Variants in DENND1B observed in about 807,000 individuals in gnomAD.
The protein encoded by DENND1B is DENN domain-containing protein 1B.
Under a neutral mutation model 90.1 loss-of-function variants are expected in DENND1B, and 59 were observed. The observed-to-expected ratio is 0.65, with a 90% confidence interval of 0.53 to 0.81. DENND1B has a LOEUF of 0.81. Among genes scored for constraint, DENND1B ranks in the 40% least tolerant of loss-of-function variants. The pLI, the probability that DENND1B is intolerant of heterozygous loss-of-function variation, is 0.00. For missense variants in DENND1B, 862 were observed against 912.6 expected (o/e 0.94, Z 0.71); for synonymous variants, 337 against 324.6 (o/e 1.04, Z -0.41).
At chr1:197,745,651 TA>T (rs1663668285) in intron 2 of DENND1B, among the ~76,000 whole-genome samples, 1 of 147,210 alleles carries the variant, frequency 6.8e-6, no homozygotes, top group South Asian at 2.1e-4. Context: ...ATATATATAA[TA>T]ATAATGAAAA....
intron 15 of DENND1B, among the ~76,000 whole-genome samples, chr1:197,560,447 T>G (rs12125739): frequency 0.15 from 22,483 of 151,830 alleles, 2,060 homozygotes; most frequent in Non-Finnish European, 0.2. Flanking sequence ...TAAGATAGAC[T>G]TCCTAAGGGA....
chr1:197,577,300 A>G (rs1278815171), intron 15 of DENND1B, among the ~76,000 whole-genome samples: 1 of 152,204 alleles, frequency 6.6e-6, no homozygotes, highest in Non-Finnish European at 1.5e-5. Context: ...ACATTGCGGT[A>G]TAGAATATAC....
At position 197,663,815 on chromosome 1, in the gene DENND1B, A is replaced by G. The variant is rs145300196; in HGVS notation, c.297-5446T>C. On this transcript the variant is annotated intron_variant, in intron 5 of 22. Coordinates refer to ENST00000620048, the MANE Select transcript of DENND1B (RefSeq NM_001195215.2). The stretch of plus-strand genomic sequence containing the variant: ...GGTCTACATAGGTAATTGAATTCAC[A>G]ACTCCTGATAAGAAGCAACTGCTCA... 2.0e-4 allele frequency among the ~76,000 whole-genome samples: 30 copies of G among 152,144 alleles called. 1 individual carries two copies. The highest frequency in any genetic ancestry group is 6.0e-4 in the African/African-American group (25 of 41,542).
At chr1:197,754,902 T>C (rs1654081852) in intron 2 of DENND1B, among the ~76,000 whole-genome samples, 1 of 152,178 alleles carries the variant, frequency 6.6e-6, no homozygotes. Flanking sequence ...TCTCTTCATG[T>C]TATTTTCTTC....
intron 3 of DENND1B, 71 bp downstream of exon 3, chr1:197,714,960 A>G: frequency 8.9e-7 from 1 of 1,125,406 alleles, no homozygotes; most frequent in South Asian, 1.3e-5. Flanking sequence ...TACTAGCAAC[A>G]GCAGCAGTAA....
intron 2 of DENND1B, among the ~76,000 whole-genome samples, chr1:197,733,239 A>T (rs1228464695): frequency 6.6e-6 from 1 of 152,186 alleles, no homozygotes; most frequent in Non-Finnish European, 1.5e-5. Flanking sequence ...TCTTCAAATT[A>T]TGAAGTTTAA....
chr1:197,655,395 C>G (rs1237711915), intron 6 of DENND1B, among the ~76,000 whole-genome samples: 2 of 152,160 alleles, frequency 1.3e-5, no homozygotes. Flanking sequence ...GTTGTGTAGA[C>G]ACAGAGTTAC....
chr1:197,701,183 T>C (rs753440927), intron 3 of DENND1B, among the ~76,000 whole-genome samples: 1 of 152,180 alleles, frequency 6.6e-6, no homozygotes, highest in Non-Finnish European at 1.5e-5. Flanking sequence ...CCAACCCAAA[T>C]GCCCATCAAT....
At chr1:197,552,599 G>T in intron 16 of DENND1B, 1 of 989,798 alleles carries the variant, frequency 1.0e-6, no homozygotes, top group Non-Finnish European at 1.2e-6. Flanking sequence ...TATGTATAAA[G>T]AATTTTGGTG....
intron 2 of DENND1B, among the ~76,000 whole-genome samples, chr1:197,767,457 C>T (rs1159821972): frequency 6.6e-6 from 1 of 152,032 alleles, no homozygotes; most frequent in Non-Finnish European, 1.5e-5. Flanking sequence ...AAGTGAAAGG[C>T]AGTTAAACTG....
At chr1:197,774,992 G>GGGGGCCGGACCGC in intron 1 of DENND1B, 147 bp downstream of exon 1, 1 of 397,162 alleles carries the variant, frequency 2.5e-6, no homozygotes, top group Non-Finnish European at 4.0e-6. Flanking sequence ...CCAGAGGCTT[G>GGGGGCCGGACCGC]GGGGCCGGAC....
intron 2 of DENND1B, among the ~76,000 whole-genome samples, chr1:197,762,520 C>T (rs1038149129): frequency 4.9e-4 from 74 of 152,176 alleles, no homozygotes; most frequent in African/African-American, 5.6e-4. Flanking sequence ...AGCCAATTAA[C>T]GCATCTATCA....
chr1:197,636,004 G>A (rs564786057), intron 10 of DENND1B, among the ~76,000 whole-genome samples: 62 of 151,046 alleles, frequency 4.1e-4, no homozygotes, highest in Non-Finnish European at 8.4e-4. Flanking sequence ...AAAAAAACCC[G>A]CCCTGATAAC....
rs1303179211 is a variant in DENND1B, at chr1:197,765,594, T to C, written c.82+7274A>G. The stretch of plus-strand genomic sequence containing the variant: ...AAAGCACATCAGGAACATATCACCT[T>C]GAAAGTCAAGAAAACAAAGTTATAA... On this transcript the variant is annotated intron_variant, in intron 2 of 22. Coordinates refer to ENST00000620048, the MANE Select transcript of DENND1B (RefSeq NM_001195215.2). Among the ~76,000 whole-genome samples, 6 of 152,256 alleles carry C rather than the reference T, an allele frequency of 3.9e-5. No individual in the cohort carries two copies. The East Asian group carries it at 1.2e-3, about 29-fold the overall frequency.
intron 2 of DENND1B, among the ~76,000 whole-genome samples, chr1:197,758,960 ATTTTTTTTTTT>A (rs759108636): frequency 0.016 from 1,522 of 97,872 alleles, 40 homozygotes; most frequent in African/African-American, 0.052. Flanking sequence ...TACTTCATTA[ATTTTTTTTTTT>A]TTTTTTTTTT....
chr1:197,595,133 T>C, intron 14 of DENND1B, 75 bp downstream of exon 14: 1 of 1,493,382 alleles, frequency 6.7e-7, no homozygotes, highest in South Asian at 1.3e-5. Flanking sequence ...ATTAAAATGA[T>C]GTCTCTTTTT....
intron 20 of DENND1B, among the ~76,000 whole-genome samples, chr1:197,522,438 C>T (rs1668842685): frequency 6.6e-6 from 1 of 152,008 alleles, no homozygotes; most frequent in South Asian, 2.1e-4. Context: ...GACCCTTTAC[C>T]AATTCTCCCA....
rs374915532 is a variant in DENND1B, at chr1:197,511,963, C to G, written c.1599-19G>C. 6.3e-7 allele frequency: 1 copy of G among 1,580,210 alleles called. No individual in the cohort carries two copies. Among genetic ancestry groups the G allele is most frequent in the Non-Finnish European group, 8.6e-7 (1 of 1,157,338 alleles). Reference sequence around the variant, plus strand: ...AGATAACCTGAAGAAAAATAAAACACGCAGTAGTAGGTAAATAACCATATT... The same window carrying G: ...AGATAACCTGAAGAAAAATAAAACAGGCAGTAGTAGGTAAATAACCATATT... On this transcript the variant is annotated intron_variant, in intron 21 of 22. Coordinates refer to ENST00000620048, the MANE Select transcript of DENND1B (RefSeq NM_001195215.2).
Position 197,707,848 on chromosome 1 carries a change from T to C in DENND1B, c.126+7183A>G, listed in dbSNP as rs1659749634. ...CATCTCACTAGGGAGTGCCAGACAGTGGGCGCAGGCCAGTGTGTGTGCGCA... is the reference window on the plus strand; with the variant it reads ...CATCTCACTAGGGAGTGCCAGACAGCGGGCGCAGGCCAGTGTGTGTGCGCA... On this transcript the variant is annotated intron_variant, in intron 3 of 22. Coordinates refer to ENST00000620048, the MANE Select transcript of DENND1B (RefSeq NM_001195215.2). 9.5e-5 allele frequency among the ~76,000 whole-genome samples: 14 copies of C among 147,082 alleles called. 1 individual carries two copies. In the South Asian group the frequency reaches 3.0e-3, roughly 31 times the overall value.
Sources: gnomAD v4.1 joint callset for allele counts (sites outside exome capture counted in the v4.1 genomes callset) on GRCh38, gnomAD v4.1.1 for gene constraint, MANE v1.5 for transcripts, NCBI Gene and HGNC (gene_info 2026-07-23, HGNC 2026-07-21) for gene names.